The following CLNK variants were observed in gnomAD, a reference collection of about 807,000 sequenced individuals.
CLNK encodes cytokine dependent hematopoietic cell linker, also known as cytokine-dependent hematopoietic cell linker.
CLNK carries 74 observed loss-of-function variants against 68.6 expected under a neutral mutation model. That is an observed-to-expected ratio of 1.08 (90% CI 0.89 to 1.31). CLNK has a LOEUF of 1.31. CLNK is among the 50% of genes most tolerant of loss of function. The probability of loss-of-function intolerance (pLI) is 0.00; values close to 1 mark genes in which losing one functional copy is unlikely to be tolerated. For synonymous variants in CLNK, 198 were observed against 172.2 expected, an observed-to-expected ratio of 1.15 and a Z score of -1.17; for missense variants, 553 against 515.3, an observed-to-expected ratio of 1.07 and a Z score of -0.71.
At chr4:10,560,607 C>A (rs1486497411) in intron 7 of CLNK, among the ~76,000 whole-genome samples, 1 of 151,782 alleles carries the variant, frequency 6.6e-6, no homozygotes, top group Non-Finnish European at 1.5e-5. Flanking sequence ...CCATGCCCAG[C>A]TAATTTTTGT....
At chr4:10,523,020 G>A (rs780480369) in intron 14 of CLNK, among the ~76,000 whole-genome samples, 1 of 152,180 alleles carries the variant, frequency 6.6e-6, no homozygotes, top group African/African-American at 2.4e-5. Context: ...GGAGGGTGTG[G>A]AGATGATCAA....
At chr4:10,555,946 T>C (rs1015948285) in intron 8 of CLNK, among the ~76,000 whole-genome samples, 3 of 152,108 alleles carry the variant, frequency 2.0e-5, no homozygotes, top group Non-Finnish European at 1.5e-5. Flanking sequence ...TATGGAAATA[T>C]AGAAAAGGAT....
chr4:10,503,546 A>C (rs541537088), intron 17 of CLNK, among the ~76,000 whole-genome samples: 1 of 148,510 alleles, frequency 6.7e-6, no homozygotes, highest in East Asian at 1.9e-4. Flanking sequence ...AATTCTTTAT[A>C]TAGATTTTAT....
At chr4:10,524,339 G>A (rs1241018498) in intron 14 of CLNK, among the ~76,000 whole-genome samples, 2 of 152,170 alleles carry the variant, frequency 1.3e-5, no homozygotes, top group East Asian at 3.9e-4. Flanking sequence ...CCTGGCAATA[G>A]CAATGAGAGT....
intron 4 of CLNK, among the ~76,000 whole-genome samples, chr4:10,581,184 TAAG>T (rs1233175273): frequency 6.6e-6 from 1 of 152,116 alleles, no homozygotes; most frequent in African/African-American, 2.4e-5. Context: ...ATGGCCTAGG[TAAG>T]TAGTAGGTTA....
chr4:10,622,535 A>T (rs1722497427), intron 2 of CLNK, among the ~76,000 whole-genome samples: 1 of 152,208 alleles, frequency 6.6e-6, no homozygotes, highest in African/African-American at 2.4e-5. Context: ...TTGAAACAGT[A>T]TAGGACAGAA....
chr4:10,626,808 G>A (rs555524397), intron 2 of CLNK, among the ~76,000 whole-genome samples: 7 of 152,266 alleles, frequency 4.6e-5, no homozygotes, highest in African/African-American at 1.4e-4. Flanking sequence ...GTGTTTTAAT[G>A]TCTGACATGG....
intron 16 of CLNK, among the ~76,000 whole-genome samples, chr4:10,509,232 T>C (rs1435945561): frequency 6.6e-6 from 1 of 152,210 alleles, no homozygotes; most frequent in East Asian, 1.9e-4. Context: ...AAACCTGATA[T>C]ATTAAATACT....
At chr4:10,554,718 C>G (rs1719593938) in intron 8 of CLNK, among the ~76,000 whole-genome samples, 2 of 152,266 alleles carry the variant, frequency 1.3e-5, no homozygotes, top group South Asian at 4.2e-4. Context: ...TATTTCTGAT[C>G]AATTCTGCAA....
At chr4:10,601,684 G>GT (rs1721596405) in intron 2 of CLNK, among the ~76,000 whole-genome samples, 2 of 152,200 alleles carry the variant, frequency 1.3e-5, no homozygotes, top group African/African-American at 4.8e-5. Context: ...CCCACCTGGG[G>GT]AGGACAGTGC....
chr4:10,614,182 G>A (rs17467923), intron 2 of CLNK, among the ~76,000 whole-genome samples: 6,402 of 152,324 alleles, frequency 0.042, 169 homozygotes, highest in Middle Eastern at 0.071. Context: ...AGATGTCTGG[G>A]TGAGATGTCT....
chr4:10,610,500 T>C (rs1026371352), intron 2 of CLNK, among the ~76,000 whole-genome samples: 3 of 152,078 alleles, frequency 2.0e-5, no homozygotes, highest in African/African-American at 7.2e-5. Flanking sequence ...TCTTTTTGGT[T>C]TAAATTTTGA....
At chr4:10,631,941 C>T (rs950441779) in intron 2 of CLNK, among the ~76,000 whole-genome samples, 1 of 152,030 alleles carries the variant, frequency 6.6e-6, no homozygotes, top group African/African-American at 2.4e-5. Flanking sequence ...AAACACCTAC[C>T]CCTGTTTCTG....
At chr4:10,723,919 A>ACAGAGAGAGAGAGATCGAGGGAGAGAG in the CLNK span, among the ~76,000 whole-genome samples, 13 of 148,128 alleles carry the variant, frequency 8.8e-5, no homozygotes, top group Non-Finnish European at 1.8e-4. Context: ...AGAGAGAGAG[A>ACAGAGAGAGAGAGATCGAGGGAGAGAG]AGGCAGGGCA....
At chr4:10,645,787 AG>A (rs1398614027) in intron 2 of CLNK, among the ~76,000 whole-genome samples, 1 of 152,192 alleles carries the variant, frequency 6.6e-6, no homozygotes, top group African/African-American at 2.4e-5. Flanking sequence ...GGGAAATTAG[AG>A]TTAACAATAA....
At chr4:10,638,025 T>G (rs1723162487) in intron 2 of CLNK, among the ~76,000 whole-genome samples, 1 of 152,190 alleles carries the variant, frequency 6.6e-6, no homozygotes, top group Admixed American at 6.5e-5. Flanking sequence ...TTTAATTGTC[T>G]CATTTTACCT....
intron 8 of CLNK, among the ~76,000 whole-genome samples, chr4:10,546,857 G>C (rs1429246939): frequency 6.6e-6 from 1 of 152,142 alleles, no homozygotes; most frequent in Non-Finnish European, 1.5e-5. Flanking sequence ...CCAAGGTTTA[G>C]GGGATGCATC....
chr4:10,568,039 C>T (rs1720191522), intron 5 of CLNK, among the ~76,000 whole-genome samples: 1 of 152,176 alleles, frequency 6.6e-6, no homozygotes, highest in Non-Finnish European at 1.5e-5. Context: ...AAACACAGAG[C>T]TACCATATAA....
the CLNK span, among the ~76,000 whole-genome samples, chr4:10,695,856 T>G: frequency 6.6e-6 from 1 of 151,908 alleles, no homozygotes; most frequent in African/African-American, 2.4e-5. Flanking sequence ...CGATCACAAT[T>G]AGAGCTTTTT....
Sources: gnomAD v4.1 joint callset for allele counts (sites outside exome capture counted in the v4.1 genomes callset) on GRCh38, gnomAD v4.1.1 for gene constraint, MANE v1.5 for transcripts, NCBI Gene and HGNC (gene_info 2026-07-23, HGNC 2026-07-21) for gene names.